Variants in IGF2BP3 observed in about 807,000 individuals in gnomAD.
IGF2BP3 encodes the protein insulin like growth factor 2 mRNA binding protein 3.
Under a neutral mutation model 73.8 loss-of-function variants are expected in IGF2BP3, and 9 were observed. The ratio of observed to expected loss-of-function variants is 0.12; its 90% confidence interval spans 0.07 to 0.21. IGF2BP3 has a LOEUF of 0.21. IGF2BP3 is among the 10% of genes least tolerant of loss of function. The probability of loss-of-function intolerance (pLI) is 1.00; values close to 1 mark genes in which losing one functional copy is unlikely to be tolerated. For missense variants in IGF2BP3, 542 were observed against 714.0 expected, an observed-to-expected ratio of 0.76 and a Z score of 2.75; for synonymous variants, 258 against 256.7, an observed-to-expected ratio of 1.01 and a Z score of -0.05.
intron 3 of IGF2BP3, among the ~76,000 whole-genome samples, chr7:23,406,000 G>A (rs574569895): frequency 6.6e-6 from 1 of 151,388 alleles, no homozygotes; most frequent in Non-Finnish European, 1.5e-5. Context: ...TACAACCGGT[G>A]AGTTCTCTTC....
At chr7:23,455,743 T>C (rs1227892173) in intron 2 of IGF2BP3, among the ~76,000 whole-genome samples, 1 of 152,170 alleles carries the variant, frequency 6.6e-6, no homozygotes, top group African/African-American at 2.4e-5. Flanking sequence ...TGGAGTGCGG[T>C]GGCGCGATGT....
intron 3 of IGF2BP3, among the ~76,000 whole-genome samples, chr7:23,400,313 A>G (rs568965941): frequency 2.6e-5 from 4 of 152,210 alleles, no homozygotes; most frequent in Non-Finnish European, 4.4e-5. Flanking sequence ...AAGTAATTGG[A>G]GTTTTCACCA....
chr7:23,372,268 T>A (rs1427422903), intron 3 of IGF2BP3, among the ~76,000 whole-genome samples: 1 of 152,100 alleles, frequency 6.6e-6, no homozygotes, highest in Non-Finnish European at 1.5e-5. Flanking sequence ...AGAGATGGGG[T>A]TTCACTATGT....
At chr7:23,333,061 C>T (rs947514490) in intron 10 of IGF2BP3, among the ~76,000 whole-genome samples, 2 of 152,086 alleles carry the variant, frequency 1.3e-5, no homozygotes, top group African/African-American at 2.4e-5. Flanking sequence ...GTTTCCTGGG[C>T]TTTGTTCCAA....
intron 3 of IGF2BP3, among the ~76,000 whole-genome samples, chr7:23,386,634 C>A (rs1463747496): frequency 6.6e-6 from 1 of 152,180 alleles, no homozygotes; most frequent in African/African-American, 2.4e-5. Flanking sequence ...GAGAGAAATT[C>A]CAAATAATTT....
chr7:23,427,869 T>C (rs1787556154), intron 2 of IGF2BP3, among the ~76,000 whole-genome samples: 2 of 152,148 alleles, frequency 1.3e-5, no homozygotes, highest in African/African-American at 4.8e-5. Context: ...TAGCTGGGCA[T>C]GGTGGCCGGC....
At chr7:23,384,159 T>A (rs542073120) in intron 3 of IGF2BP3, among the ~76,000 whole-genome samples, 1 of 149,912 alleles carries the variant, frequency 6.7e-6, no homozygotes, top group East Asian at 1.9e-4. Context: ...AAGAACCTTG[T>A]AAACACTTTC....
At chr7:23,331,347 A>T (rs540718434) in intron 10 of IGF2BP3, among the ~76,000 whole-genome samples, 1 of 152,304 alleles carries the variant, frequency 6.6e-6, no homozygotes, top group Non-Finnish European at 1.5e-5. Flanking sequence ...TCATTACATG[A>T]ATTAGTGAAA....
intron 3 of IGF2BP3, among the ~76,000 whole-genome samples, chr7:23,396,017 C>T (rs913623723): frequency 2.0e-5 from 3 of 148,736 alleles, no homozygotes; most frequent in Non-Finnish European, 3.0e-5. Flanking sequence ...CCCTACCCCA[C>T]CCCTACACAA....
At chr7:23,408,356 A>G (rs1454232561) in intron 3 of IGF2BP3, among the ~76,000 whole-genome samples, 1 of 152,238 alleles carries the variant, frequency 6.6e-6, no homozygotes, top group African/African-American at 2.4e-5. Context: ...ACAAACTTTC[A>G]GAACTAGTAA....
chr7:23,323,732 A>G (rs1371425033), intron 10 of IGF2BP3, among the ~76,000 whole-genome samples: 2 of 152,256 alleles, frequency 1.3e-5, no homozygotes, highest in African/African-American at 4.8e-5. Context: ...CTCTGACCAC[A>G]GTGCAATCAA....
rs1386067936 is a variant in IGF2BP3, at chr7:23,311,713, G to A, written c.*649C>T. Reference sequence around the variant, plus strand: ...ATTTTAAATTTATTTTTTAAAAAACGGTTGGACTTCTATCATTATAAAGTA... The same window carrying A: ...ATTTTAAATTTATTTTTTAAAAAACAGTTGGACTTCTATCATTATAAAGTA... On this transcript the variant is annotated 3_prime_UTR_variant, in exon 15 of 15. Transcript: ENST00000258729. 1 of 145,202 alleles carries A rather than the reference G, an allele frequency of 6.9e-6. No homozygotes were observed. The highest frequency in any genetic ancestry group is 2.0e-4 in the East Asian group (1 of 4,902). 9.0% of individuals were successfully genotyped at this position (145,202 alleles called of 1,614,324 possible).
intron 2 of IGF2BP3, among the ~76,000 whole-genome samples, chr7:23,468,115 G>A (rs1382088188): frequency 1.3e-5 from 2 of 152,176 alleles, no homozygotes; most frequent in African/African-American, 4.8e-5. Flanking sequence ...TCCTGCTCCT[G>A]GAGGGGTGGG....
intron 2 of IGF2BP3, among the ~76,000 whole-genome samples, chr7:23,420,314 T>A (rs1470278086): frequency 6.6e-6 from 1 of 151,984 alleles, no homozygotes. Context: ...AAAATCTTTT[T>A]AAAATTTTTT....
At chr7:23,463,650 A>G (rs1222863247) in intron 2 of IGF2BP3, among the ~76,000 whole-genome samples, 1 of 152,240 alleles carries the variant, frequency 6.6e-6, no homozygotes, top group Non-Finnish European at 1.5e-5. Flanking sequence ...CAGAAACAGA[A>G]GCCAAGATTC....
intron 2 of IGF2BP3, among the ~76,000 whole-genome samples, chr7:23,457,564 T>G (rs1788352315): frequency 6.6e-6 from 1 of 152,230 alleles, no homozygotes; most frequent in South Asian, 2.1e-4. Context: ...GCTAAATTAT[T>G]GCACACCTAT....
chr7:23,319,099 A>C, intron 11 of IGF2BP3, 39 bp downstream of exon 11: 1 of 1,236,408 alleles, frequency 8.1e-7, no homozygotes, highest in South Asian at 1.3e-5. Flanking sequence ...TCTGTAACTT[A>C]CTTAAAGAAC....
rs1396847701 is a variant in IGF2BP3 at position 23,317,678 on chromosome 7, C to T, written c.1356G>A (p.Arg452=). The T allele has an allele frequency of 2.5e-6, 4 of 1,614,020 alleles. No homozygotes were observed. The South Asian group carries it at 3.3e-5, about 13-fold the overall frequency. Reference sequence around the variant, plus strand: ...CTGGTGGTCCAGTGATAATCACCATCCTCACTTTAGCATCTGGTGCTTCCG... The same window carrying T: ...CTGGTGGTCCAGTGATAATCACCATTCTCACTTTAGCATCTGGTGCTTCCG... The part of the protein sequence containing the change: ...APAEAPDAKV[R]MVIITGPPEA... Residue 452 remains arginine (R), a synonymous_variant, in exon 12 of 15, where the codon AGG becomes AGA. Coordinates refer to ENST00000258729, the MANE Select transcript of IGF2BP3 (RefSeq NM_006547.3).
intron 2 of IGF2BP3, among the ~76,000 whole-genome samples, chr7:23,450,992 G>A (rs369089626): frequency 6.6e-6 from 1 of 152,120 alleles, no homozygotes; most frequent in South Asian, 2.1e-4. Flanking sequence ...ATCCATATGT[G>A]GCTGGATTTT....
Sources: gnomAD v4.1 joint callset for allele counts (sites outside exome capture counted in the v4.1 genomes callset) on GRCh38, gnomAD v4.1.1 for gene constraint, MANE v1.5 for transcripts, NCBI Gene and HGNC (gene_info 2026-07-23, HGNC 2026-07-21) for gene names.